Variants in LRBA observed in about 807,000 individuals in gnomAD.
The protein encoded by LRBA is LPS responsive beige-like anchor protein.
LRBA carries 176 observed loss-of-function variants against 330.0 expected under a neutral mutation model. That is an observed-to-expected ratio of 0.53 (90% confidence interval 0.47 to 0.60). The LOEUF (loss-of-function observed/expected upper bound fraction) is 0.60. Among genes scored for constraint, LRBA ranks in the 20% least tolerant of loss-of-function variants. The pLI is 0.00. For missense variants in LRBA, 3,259 were observed against 3,444.8 expected (o/e 0.95, Z 1.35); for synonymous variants, 1,230 against 1,193.0 (o/e 1.03, Z -0.64).
intron 16 of LRBA, among the ~76,000 whole-genome samples, 191 bp from the exon 17 acceptor site, chr4:150,893,340 T>G (rs1023177652): frequency 6.6e-6 from 1 of 152,176 alleles, no homozygotes; most frequent in Non-Finnish European, 1.5e-5. Flanking sequence ...ATACATAAAA[T>G]AGCAAACCAA....
chr4:150,343,427 G>A (rs1020639953), intron 48 of LRBA, among the ~76,000 whole-genome samples: 1 of 152,108 alleles, frequency 6.6e-6, no homozygotes, highest in African/African-American at 2.4e-5. Context: ...CTCCAGGAGG[G>A]AACAGACTTT....
chr4:150,688,920 A>G (rs1783861559), intron 36 of LRBA, among the ~76,000 whole-genome samples: 1 of 152,232 alleles, frequency 6.6e-6, no homozygotes, highest in African/African-American at 2.4e-5. Flanking sequence ...AAGGATCTAG[A>G]ACTAGAAATA....
intron 40 of LRBA, among the ~76,000 whole-genome samples, chr4:150,499,003 G>C (rs1384806830): frequency 6.6e-6 from 1 of 152,020 alleles, no homozygotes; most frequent in Non-Finnish European, 1.5e-5. Context: ...GGAAAGTCAA[G>C]CATAAATATG....
At chr4:150,964,126 G>T (rs1398680218) in intron 2 of LRBA, among the ~76,000 whole-genome samples, 1 of 148,842 alleles carries the variant, frequency 6.7e-6, no homozygotes, top group African/African-American at 2.6e-5. Context: ...TCCAGGAGGT[G>T]GGGGGCAGCC....
rs373474421 is a variant in LRBA at position 150,697,325 on chromosome 4, G to GAAAGAAAAAAAAAAAAAAAA, written c.5755-13609_5755-13608insTTTTTTTTTTTTTTTTCTTT. ...GGTGACAGAGTGAGACTTTGTCTCA[G>GAAAGAAAAAAAAAAAAAAAA]AAAAAAAAAAAAAAAAAAAAAAAAA... On this transcript the variant is annotated intron_variant, in intron 36 of 56. Transcript: ENST00000651943. Among the ~76,000 whole-genome samples, 7 of 28,034 alleles carry GAAAGAAAAAAAAAAAAAAAA rather than the reference G, an allele frequency of 2.5e-4. 2 individuals carry two copies. The highest frequency in any genetic ancestry group is 9.2e-4 in the African/African-American group (7 of 7,584). The allele number at this position is 28,034 out of a possible 152,430, so 18.4% of individuals were successfully genotyped here. A position where few individuals can be genotyped will look rare whatever the true frequency, so the allele number is the denominator to read the frequency against.
rs1367097366 is a variant in LRBA at position 150,415,482 on chromosome 4, G to C, written c.7150C>G (p.Pro2384Ala). Residue 2384 changes from proline to alanine, a missense_variant, in exon 47 of 57, where the codon CCT becomes GCT. Coordinates refer to ENST00000651943, the MANE Select transcript of LRBA (RefSeq NM_001364905.1). ...AATTCTTCTGAGGTTTTGGCCCAAG[G>C]AGGAAGTTCGACATCAGACACTACT... ...GTVVSDVELP[P>A]WAKTSEEFVH... The C allele has an allele frequency of 1.2e-6, 2 of 1,613,490 alleles. No homozygotes were observed. Among genetic ancestry groups the C allele is most frequent in the Middle Eastern group, 1.7e-4 (1 of 6,056 alleles).
At chr4:150,779,603 TG>T (rs1202363319) in intron 34 of LRBA, among the ~76,000 whole-genome samples, 1 of 152,108 alleles carries the variant, frequency 6.6e-6, no homozygotes, top group Non-Finnish European at 1.5e-5. Flanking sequence ...TTTAACTTTT[TG>T]AATGTCTAGA....
intron 2 of LRBA, among the ~76,000 whole-genome samples, chr4:150,977,119 T>C (rs1740268862): frequency 1.3e-5 from 2 of 152,220 alleles, no homozygotes; most frequent in Non-Finnish European, 2.9e-5. Context: ...GCATGTGACC[T>C]GGTAAGACCC....
At chr4:150,865,633 T>G (rs1395969615) in intron 22 of LRBA, among the ~76,000 whole-genome samples, 6 of 152,002 alleles carry the variant, frequency 3.9e-5, no homozygotes, top group African/African-American at 1.4e-4. Flanking sequence ...GGAGGAACAA[T>G]GAATAATTTG....
At chr4:150,476,730 CAG>C (rs1756753810) in intron 42 of LRBA, among the ~76,000 whole-genome samples, 1 of 152,132 alleles carries the variant, frequency 6.6e-6, no homozygotes, top group African/African-American at 2.4e-5. Flanking sequence ...TGCAGTGAAA[CAG>C]AAAAACTAAA....
intron 47 of LRBA, among the ~76,000 whole-genome samples, chr4:150,410,970 A>C (rs1030692989): frequency 2.0e-5 from 3 of 152,128 alleles, no homozygotes; most frequent in Non-Finnish European, 2.9e-5. Flanking sequence ...CGAACTCATA[A>C]ATTTTTCTAT....
At chr4:150,430,166 A>C (rs1207717251) in intron 46 of LRBA, among the ~76,000 whole-genome samples, 1 of 152,090 alleles carries the variant, frequency 6.6e-6, no homozygotes, top group African/African-American at 2.4e-5. Flanking sequence ...ATATATCTTA[A>C]ATGTATCCAC....
intron 30 of LRBA, among the ~76,000 whole-genome samples, chr4:150,818,092 ACTGCG>A (rs1744863246): frequency 6.6e-6 from 1 of 152,128 alleles, no homozygotes; most frequent in African/African-American, 2.4e-5. Context: ...CAGTACTATA[ACTGCG>A]AGCTTCAAGT....
At chr4:150,697,665 T>A (rs1351160230) in intron 36 of LRBA, among the ~76,000 whole-genome samples, 1 of 152,188 alleles carries the variant, frequency 6.6e-6, no homozygotes, top group Non-Finnish European at 1.5e-5. Context: ...ATTAACTAGA[T>A]TTGTATTTCT....
At chr4:150,725,636 C>T (rs1406492750) in intron 36 of LRBA, among the ~76,000 whole-genome samples, 1 of 152,128 alleles carries the variant, frequency 6.6e-6, no homozygotes, top group Non-Finnish European at 1.5e-5. Flanking sequence ...AAGAAGAAAC[C>T]ATCTGAAGGT....
chr4:150,606,763 C>T (rs1454303858), intron 37 of LRBA, among the ~76,000 whole-genome samples: 5 of 152,248 alleles, frequency 3.3e-5, no homozygotes, highest in South Asian at 2.1e-4. Flanking sequence ...ACATCTTATT[C>T]GTTACTATTA....
chr4:150,724,123 T>C (rs2127093382), intron 36 of LRBA, among the ~76,000 whole-genome samples: 1 of 152,250 alleles, frequency 6.6e-6, no homozygotes, highest in African/African-American at 2.4e-5. Context: ...CCGGAGCCTG[T>C]GGGAACTCAC....
At chr4:150,991,053 CAAAAAAA>C (rs543266001) in intron 2 of LRBA, among the ~76,000 whole-genome samples, 4 of 60,028 alleles carry the variant, frequency 6.7e-5, no homozygotes, top group African/African-American at 1.8e-4. Flanking sequence ...ACTCTGTCTC[CAAAAAAA>C]AAAAAAAAAA....
Position 150,296,598 on chromosome 4 carries a change from C to T in LRBA, c.8017+6027G>A, listed in dbSNP as rs758928287. Among the ~76,000 whole-genome samples, 40 of 151,528 alleles carry T rather than the reference C, an allele frequency of 2.6e-4. 1 individual carries two copies. Among genetic ancestry groups the T allele is most frequent in the Middle Eastern group, 3.4e-3 (1 of 294 alleles). On this transcript the variant is annotated intron_variant, in intron 53 of 56. Transcript: ENST00000651943. The stretch of plus-strand genomic sequence containing the variant: ...ACTTATAAACTTCTGCTCTGTAAAG[C>T]GATATAAATGAGCATAGCACATAAA...
Sources: allele counts gnomAD v4.1 joint callset (sites outside exome capture counted in the v4.1 genomes callset), GRCh38; gene constraint gnomAD v4.1.1; transcripts MANE v1.5; gene names NCBI Gene and HGNC (gene_info 2026-07-23, HGNC 2026-07-21).